The following CMSS1 variants were observed in gnomAD, a reference collection of about 807,000 sequenced individuals.
CMSS1 encodes cms1 ribosomal small subunit homolog.
CMSS1 carries 33 observed loss-of-function variants against 43.5 expected under a neutral mutation model. The observed-to-expected ratio is 0.76, with a 90% confidence interval of 0.57 to 1.01. The LOEUF (loss-of-function observed/expected upper bound fraction) is 1.01, where lower values mean the gene tolerates loss of function less well. Ranked by LOEUF, CMSS1 falls within the 50% of genes least tolerant of loss-of-function variation. The probability of loss-of-function intolerance (pLI) is 0.00; values close to 1 mark genes in which losing one functional copy is unlikely to be tolerated. For missense variants in CMSS1, 313 were observed against 326.4 expected, an observed-to-expected ratio of 0.96 and a Z score of 0.32; for synonymous variants, 115 against 117.2, an observed-to-expected ratio of 0.98 and a Z score of 0.12.
At chr3:100,041,111 A>G (rs987173936) in intron 1 of CMSS1, 4 of 152,178 alleles carry the variant, frequency 2.6e-5, no homozygotes, top group Non-Finnish European at 5.9e-5. Flanking sequence ...GGTGACTGCC[A>G]AAGTTTTATT....
At chr3:99,856,818 A>G (rs1388395779) in intron 1 of CMSS1, among the ~76,000 whole-genome samples, 1 of 152,228 alleles carries the variant, frequency 6.6e-6, no homozygotes. Flanking sequence ...CCTATATTTT[A>G]TCTCCTCTGT....
chr3:100,019,484 A>C (rs1576645761), intron 1 of CMSS1, among the ~76,000 whole-genome samples: 1 of 152,370 alleles, frequency 6.6e-6, no homozygotes, highest in African/African-American at 2.4e-5. Flanking sequence ...AGTTCTTTAA[A>C]AATTTATTTT....
intron 1 of CMSS1, among the ~76,000 whole-genome samples, chr3:99,825,775 C>CTTTTTTTTTTTTTTTTTTTTTTT (rs897686337): frequency 6.6e-5 from 8 of 121,610 alleles, no homozygotes; most frequent in East Asian, 2.2e-4. Context: ...TTTTCTTTTT[C>CTTTTTTTTTTTTTTTTTTTTTTT]TTTTTTTTTT....
intron 1 of CMSS1, among the ~76,000 whole-genome samples, chr3:99,994,348 G>T (rs1038392030): frequency 3.3e-5 from 5 of 152,114 alleles, no homozygotes; most frequent in African/African-American, 1.2e-4. Flanking sequence ...AAGTAACAAA[G>T]AAATATTGGA....
At chr3:100,163,030 T>C (rs1189087596) in intron 4 of CMSS1, among the ~76,000 whole-genome samples, 15 of 152,252 alleles carry the variant, frequency 9.9e-5, no homozygotes, top group Admixed American at 7.8e-4. Context: ...TTTTAACTGA[T>C]AGATTATATC....
Position 99,817,933 on chromosome 3 carries a change from T to G in CMSS1, c.-47T>G, listed in dbSNP as rs11537815. 2 of 1,596,586 alleles carry G rather than the reference T, an allele frequency of 1.3e-6. No individual in the cohort carries two copies. The highest frequency in any genetic ancestry group is 2.2e-5 in the East Asian group (1 of 44,770). On this transcript the variant is annotated 5_prime_UTR_variant, in exon 1 of 10. Transcript: ENST00000421999. ...TTGAGACAACGTGATTCTCCGCAGC[T>G]GGTCGCCTACCCGTGATGTTCTGCC...
chr3:100,129,845 A>C (rs1208569050), intron 1 of CMSS1, among the ~76,000 whole-genome samples: 1 of 152,230 alleles, frequency 6.6e-6, no homozygotes. Flanking sequence ...TATTACTATA[A>C]GTGACACTTG....
chr3:100,124,550 C>T (rs2066647589), intron 1 of CMSS1, among the ~76,000 whole-genome samples: 1 of 152,200 alleles, frequency 6.6e-6, no homozygotes, highest in Non-Finnish European at 1.5e-5. Flanking sequence ...TCAGCAGCCT[C>T]ATGTGATTAG....
rs1488074896 is a variant in CMSS1, at chr3:100,100,195, G to T, written c.65-46778G>T. 4.6e-5 allele frequency among the ~76,000 whole-genome samples: 7 copies of T among 152,122 alleles called. No homozygotes were observed. In the East Asian group the frequency reaches 9.6e-4, roughly 21 times the overall value. On this transcript the variant is annotated intron_variant, in intron 1 of 9. Transcript: ENST00000421999. ...AGATTTTGGTGTGTGGGCTCTGGGG[G>T]CACAAGTAGCCTTCTCCTGAGATAT...
chr3:99,856,488 A>G (rs1166823318), intron 1 of CMSS1, among the ~76,000 whole-genome samples: 2 of 152,212 alleles, frequency 1.3e-5, no homozygotes, highest in Admixed American at 1.3e-4. Context: ...AATCCGCTCC[A>G]ATAAAAATGG....
At chr3:99,979,978 A>G (rs1001463032) in intron 1 of CMSS1, among the ~76,000 whole-genome samples, 3 of 152,186 alleles carry the variant, frequency 2.0e-5, no homozygotes, top group Non-Finnish European at 4.4e-5. Context: ...AGGAGGTGGT[A>G]TGTAAGTTGA....
At chr3:100,098,747 T>C (rs1374307626) in intron 1 of CMSS1, among the ~76,000 whole-genome samples, 1 of 152,208 alleles carries the variant, frequency 6.6e-6, no homozygotes, top group African/African-American at 2.4e-5. Flanking sequence ...AGGTGGAAAC[T>C]CACCATGAAA....
At chr3:99,905,862 T>C (rs1706598805) in intron 1 of CMSS1, among the ~76,000 whole-genome samples, 1 of 152,252 alleles carries the variant, frequency 6.6e-6, no homozygotes, top group South Asian at 2.1e-4. Flanking sequence ...CAAACTCTAG[T>C]TGCTTCACTT....
intron 1 of CMSS1, among the ~76,000 whole-genome samples, chr3:100,087,322 A>G (rs965417857): frequency 8.5e-5 from 13 of 152,238 alleles, no homozygotes; most frequent in African/African-American, 3.1e-4. Flanking sequence ...CCAACAGTGT[A>G]TGAGAAATTC....
chr3:99,818,174 A>T, intron 1 of CMSS1, 131 bp downstream of exon 1: 1 of 756,260 alleles, frequency 1.3e-6, no homozygotes, highest in Non-Finnish European at 2.2e-6. Flanking sequence ...GCGCGCAAGC[A>T]TCTCGGGGAA....
chr3:99,904,416 T>A (rs1283545213), intron 1 of CMSS1, among the ~76,000 whole-genome samples: 1 of 152,232 alleles, frequency 6.6e-6, no homozygotes, highest in East Asian at 1.9e-4. Context: ...AGGCAGTGTT[T>A]TCAGCCCTAG....
rs555906158 is a variant in CMSS1, at chr3:100,141,790, A to G, written c.65-5183A>G. The G allele has an allele frequency of 1.0e-3, 359 of 342,922 alleles. 8 individuals are homozygous for G. The highest frequency in any genetic ancestry group is 8.0e-3 in the South Asian group (337 of 42,000). The allele number at this position is 342,922 out of a possible 1,614,324, so 21.2% of individuals were successfully genotyped here. ...TCTTTTTTTTTAAGTAGACTCTTCA[A>G]GGAGTTGGGGAAGAGGCAGTGCAGT... On this transcript the variant is annotated intron_variant, in intron 1 of 9. Coordinates refer to ENST00000421999, the MANE Select transcript of CMSS1 (RefSeq NM_032359.4).
At chr3:99,925,868 C>T (rs1202009403) in intron 1 of CMSS1, 15 of 985,322 alleles carry the variant, frequency 1.5e-5, no homozygotes, top group Non-Finnish European at 1.8e-5. Context: ...GCTGGTTTAT[C>T]AGCTCCTGGC....
At chr3:100,015,420 A>AT (rs1710313307) in intron 1 of CMSS1, among the ~76,000 whole-genome samples, 1 of 152,080 alleles carries the variant, frequency 6.6e-6, no homozygotes, top group Admixed American at 6.6e-5. Context: ...TCTGTGAAAA[A>AT]TCTCATTAGA....
Sources: allele counts gnomAD v4.1 joint callset (sites outside exome capture counted in the v4.1 genomes callset), GRCh38; gene constraint gnomAD v4.1.1; transcripts MANE v1.5; gene names NCBI Gene and HGNC (gene_info 2026-07-23, HGNC 2026-07-21).